Variants in NSMCE2 observed in about 807,000 individuals in gnomAD.
NSMCE2 encodes the protein E3 SUMO-protein ligase NSE2.
In NSMCE2, 24 loss-of-function variants were observed where a neutral mutation model predicts 23.8. That is an observed-to-expected ratio of 1.01 (90% confidence interval 0.73 to 1.42). NSMCE2 has a LOEUF of 1.42. NSMCE2 is among the 40% of genes most tolerant of loss of function. The pLI, the probability that NSMCE2 is intolerant of heterozygous loss-of-function variation, is 0.00. For missense variants in NSMCE2, 284 were observed against 296.5 expected (o/e 0.96, Z 0.31); for synonymous variants, 92 against 94.1 (o/e 0.98, Z 0.13).
chr8:125,103,325 A>G (rs944912798), intron 3 of NSMCE2, among the ~76,000 whole-genome samples: 1 of 151,828 alleles, frequency 6.6e-6, no homozygotes, highest in Non-Finnish European at 1.5e-5. Flanking sequence ...AAGAAAAAAG[A>G]TGTTATTTGC....
intron 5 of NSMCE2, among the ~76,000 whole-genome samples, chr8:125,322,423 C>T (rs1356798996): frequency 6.6e-6 from 1 of 152,182 alleles, no homozygotes; most frequent in African/African-American, 2.4e-5. Context: ...AAATCCAATA[C>T]TGATTCTTGA....
intron 5 of NSMCE2, among the ~76,000 whole-genome samples, chr8:125,239,018 T>G (rs531588875): frequency 1.6e-4 from 24 of 152,346 alleles, no homozygotes; most frequent in African/African-American, 5.8e-4. Flanking sequence ...AGATGCTGAT[T>G]AACTAGTCAA....
chr8:125,257,829 C>G (rs977909487), intron 5 of NSMCE2, among the ~76,000 whole-genome samples: 1 of 152,012 alleles, frequency 6.6e-6, no homozygotes, highest in Non-Finnish European at 1.5e-5. Context: ...CCACCGTGCC[C>G]GGCCAGACAA....
chr8:125,357,869 A>C (rs779676778), intron 7 of NSMCE2, 51 bp downstream of exon 7: 1 of 1,294,352 alleles, frequency 7.7e-7, no homozygotes, highest in Non-Finnish European at 1.1e-6. Flanking sequence ...GTAGTTACTC[A>C]GAGGTGGCGT....
At chr8:125,283,676 A>C (rs565576740) in intron 5 of NSMCE2, among the ~76,000 whole-genome samples, 1 of 152,226 alleles carries the variant, frequency 6.6e-6, no homozygotes, top group Non-Finnish European at 1.5e-5. Flanking sequence ...CACATAAAGC[A>C]ATGCACAAAT....
intron 5 of NSMCE2, among the ~76,000 whole-genome samples, chr8:125,294,105 A>T (rs1828230571): frequency 6.6e-6 from 1 of 152,180 alleles, no homozygotes; most frequent in Non-Finnish European, 1.5e-5. Context: ...TAATGTTTTC[A>T]AGGTTTATCC....
intron 1 of NSMCE2, among the ~76,000 whole-genome samples, chr8:125,095,170 A>C (rs1179851009): frequency 6.6e-6 from 1 of 152,170 alleles, no homozygotes; most frequent in Non-Finnish European, 1.5e-5. Flanking sequence ...TAATCAGTAC[A>C]CATGTGCCTA....
At chr8:125,131,975 G>C (rs1819796998) in intron 3 of NSMCE2, among the ~76,000 whole-genome samples, 1 of 152,326 alleles carries the variant, frequency 6.6e-6, no homozygotes, top group South Asian at 2.1e-4. Flanking sequence ...CATTGTAAAA[G>C]CTTTGCTTTG....
At chr8:125,219,282 C>T (rs117768435) in intron 5 of NSMCE2, among the ~76,000 whole-genome samples, 27 of 152,292 alleles carry the variant, frequency 1.8e-4, no homozygotes, top group Non-Finnish European at 3.5e-4. Context: ...CTTAATTTAT[C>T]TGGCTGGATT....
chr8:125,134,759 G>T (rs1402755557), intron 3 of NSMCE2, among the ~76,000 whole-genome samples: 2 of 128,722 alleles, frequency 1.6e-5, no homozygotes, highest in Non-Finnish European at 3.1e-5. Context: ...TCGGGGTCTT[G>T]CTCTGTTGCT....
At chr8:125,193,011 A>G (rs1489911854) in intron 5 of NSMCE2, among the ~76,000 whole-genome samples, 1 of 152,260 alleles carries the variant, frequency 6.6e-6, no homozygotes, top group Non-Finnish European at 1.5e-5. Context: ...TAATTAATAT[A>G]TTAACAACGT....
intron 3 of NSMCE2, chr8:125,126,949 A>G (rs1159136504): frequency 6.6e-5 from 10 of 152,244 alleles, no homozygotes; most frequent in African/African-American, 2.2e-4. Context: ...GCTTATAATT[A>G]TTTGGTTCTT....
intron 5 of NSMCE2, among the ~76,000 whole-genome samples, chr8:125,212,818 T>G (rs994974140): frequency 1.3e-5 from 2 of 152,196 alleles, no homozygotes; most frequent in Non-Finnish European, 2.9e-5. Context: ...TGACTAGATT[T>G]CAGCCCGGGT....
intron 3 of NSMCE2, among the ~76,000 whole-genome samples, chr8:125,144,879 AAG>A (rs1461433467): frequency 1.4e-4 from 21 of 152,204 alleles, no homozygotes; most frequent in East Asian, 1.9e-4. Flanking sequence ...ATACCTCAAA[AAG>A]AGAGAATAGT....
intron 5 of NSMCE2, among the ~76,000 whole-genome samples, chr8:125,262,259 A>G (rs1434896035): frequency 6.6e-6 from 1 of 152,134 alleles, no homozygotes; most frequent in East Asian, 1.9e-4. Flanking sequence ...CCCCGTCTCT[A>G]CTAAAAATAC....
At chr8:125,134,697 C>T (rs1250280957) in intron 3 of NSMCE2, among the ~76,000 whole-genome samples, 2 of 148,610 alleles carry the variant, frequency 1.3e-5, no homozygotes, top group Non-Finnish European at 3.0e-5. Context: ...TATTTCCTTC[C>T]AGCCTCTTTG....
At chr8:125,223,953 T>C (rs1363684299) in intron 5 of NSMCE2, among the ~76,000 whole-genome samples, 1 of 152,132 alleles carries the variant, frequency 6.6e-6, no homozygotes, top group East Asian at 1.9e-4. Flanking sequence ...TCTCCCACTG[T>C]AGCCTCCCTG....
rs1384282097 is a variant in NSMCE2 at position 125,365,013 on chromosome 8, C to T, written c.627-1755C>T. On this transcript the variant is annotated intron_variant, in intron 7 of 7. Coordinates refer to ENST00000287437, the MANE Select transcript of NSMCE2 (RefSeq NM_173685.4). ...AAGAAATAGGTGGTTTCATCCAGCC[C>T]ACTGCCCTCAGAGAAGACCACATCG... Among the ~76,000 whole-genome samples the T allele has an allele frequency of 2.0e-5, 3 of 152,160 alleles. No homozygotes were observed. In the East Asian group the frequency reaches 5.8e-4, roughly 29 times the overall value.
At chr8:125,200,631 T>A (rs1298585809) in intron 5 of NSMCE2, among the ~76,000 whole-genome samples, 28 of 152,216 alleles carry the variant, frequency 1.8e-4, no homozygotes, top group Non-Finnish European at 1.5e-5. Flanking sequence ...TCAACCTTGG[T>A]TAATCTGACA....
Sources: allele counts gnomAD v4.1 joint callset (sites outside exome capture counted in the v4.1 genomes callset), GRCh38; gene constraint gnomAD v4.1.1; transcripts MANE v1.5; gene names NCBI Gene and HGNC (gene_info 2026-07-23, HGNC 2026-07-21).